The following ANK2 variants were observed in gnomAD, a reference collection of about 807,000 sequenced individuals.
ANK2 encodes ankyrin-2.
ANK2 carries 83 observed loss-of-function variants against 360.5 expected under a neutral mutation model. The ratio of observed to expected loss-of-function variants is 0.23; its 90% CI spans 0.19 to 0.28. The LOEUF is 0.28. ANK2 is among the 10% of genes least tolerant of loss of function. The pLI, the probability that ANK2 is intolerant of heterozygous loss-of-function variation, is 1.00. For missense variants in ANK2, 4,201 were observed against 4,795.7 expected, an observed-to-expected ratio of 0.88 and a Z score of 3.66; for synonymous variants, 1,740 against 1,759.5, an observed-to-expected ratio of 0.99 and a Z score of 0.28.
chr4:113,052,961 G>A (rs984656459), intron 1 of ANK2, among the ~76,000 whole-genome samples: 4 of 152,192 alleles, frequency 2.6e-5, no homozygotes, highest in Non-Finnish European at 5.9e-5. Context: ...AGGCTAGAGC[G>A]TTACTAAAGC....
chr4:113,362,973 TTTTTC>T (rs921559407), intron 39 of ANK2, among the ~76,000 whole-genome samples: 1 of 152,204 alleles, frequency 6.6e-6, no homozygotes, highest in African/African-American at 2.4e-5. Context: ...GGAGAAACTT[TTTTTC>T]TTTTGTTATC....
intron 42 of ANK2, among the ~76,000 whole-genome samples, chr4:113,369,258 G>A (rs896543050): frequency 6.6e-6 from 1 of 152,168 alleles, no homozygotes. Context: ...TTGGGTAACT[G>A]TAATACATTT....
chr4:113,191,481 A>G (rs1304978946), intron 2 of ANK2, among the ~76,000 whole-genome samples: 1 of 152,216 alleles, frequency 6.6e-6, no homozygotes, highest in Non-Finnish European at 1.5e-5. Flanking sequence ...GTTTTATTGT[A>G]ATTCAAAATA....
At position 113,175,998 on chromosome 4, in the gene ANK2, A is replaced by G. The variant is rs759630833; in HGVS notation, c.186+1481A>G. On this transcript the variant is annotated intron_variant, in intron 2 of 45. Coordinates refer to ENST00000357077, the MANE Select transcript of ANK2 (RefSeq NM_001148.6). ...TTTGGGATTGCTTTTTATCTGGGCT[A>G]TTTCTCAGGGTGGTGCTCGCAGTGA... 2.6e-5 allele frequency among the ~76,000 whole-genome samples: 4 copies of G among 152,214 alleles called. No individual in the cohort carries two copies. The East Asian group carries it at 5.8e-4, about 22-fold the overall frequency.
chr4:112,860,236 T>G (rs2067552632), intron 1 of ANK2, among the ~76,000 whole-genome samples: 1 of 152,170 alleles, frequency 6.6e-6, no homozygotes, highest in Non-Finnish European at 1.5e-5. Flanking sequence ...TTCTTTTTTT[T>G]TCTTTTTTGA....
chr4:113,255,627 C>G, intron 10 of ANK2, 108 bp from the exon 11 acceptor site: 2 of 1,106,720 alleles, frequency 1.8e-6, no homozygotes, highest in East Asian at 2.4e-5. Context: ...TTATTTTTTC[C>G]CCTGCCACTA....
intron 43 of ANK2, chr4:113,372,550 AG>A: frequency 6.5e-7 from 1 of 1,535,634 alleles, no homozygotes; most frequent in Non-Finnish European, 8.7e-7. Context: ...CAGAGGAATT[AG>A]GGGAGCTGGA....
intron 37 of ANK2, among the ~76,000 whole-genome samples, chr4:113,352,659 T>TC (rs906004557): frequency 3.3e-5 from 5 of 152,170 alleles, no homozygotes; most frequent in African/African-American, 1.2e-4. Context: ...CTTTTTTTTT[T>TC]CAACATTGAT....
chr4:113,001,163 T>C (rs947057670), intron 2 of ANK2, among the ~76,000 whole-genome samples: 1 of 151,896 alleles, frequency 6.6e-6, no homozygotes, highest in Non-Finnish European at 1.5e-5. Context: ...AAACCCTGGC[T>C]CTACTAAAAA....
At chr4:112,767,350 C>G in the ANK2 span, among the ~76,000 whole-genome samples, 1 of 152,056 alleles carries the variant, frequency 6.6e-6, no homozygotes, top group African/African-American at 2.4e-5. Flanking sequence ...CACTTGAGGT[C>G]AGGAGTTCGA....
intron 1 of ANK2, among the ~76,000 whole-genome samples, chr4:113,111,013 A>G (rs959135971): frequency 3.3e-5 from 5 of 152,172 alleles, no homozygotes; most frequent in Admixed American, 3.3e-4. Context: ...TACTGAATTC[A>G]TGGTCTATAA....
intron 19 of ANK2, 138 bp downstream of exon 19, chr4:113,287,841 C>G: frequency 2.6e-6 from 2 of 765,502 alleles, no homozygotes; most frequent in Non-Finnish European, 4.5e-6. Context: ...ATAACCCTCT[C>G]CTATGCACAA....
intron 1 of ANK2, among the ~76,000 whole-genome samples, chr4:113,093,986 A>G (rs1424205489): frequency 6.6e-6 from 1 of 152,202 alleles, no homozygotes; most frequent in East Asian, 1.9e-4. Context: ...TAACTTGGCC[A>G]GTGTTTATAT....
chr4:113,016,875 A>G (rs965527620), intron 2 of ANK2, among the ~76,000 whole-genome samples: 3 of 152,130 alleles, frequency 2.0e-5, no homozygotes, highest in Admixed American at 6.5e-5. Context: ...GCTGAGGAGC[A>G]TGGGTTATCC....
the ANK2 span, among the ~76,000 whole-genome samples, chr4:112,801,646 C>T: frequency 1.3e-5 from 2 of 152,060 alleles, no homozygotes; most frequent in African/African-American, 4.8e-5. Flanking sequence ...AAAGAAAAGT[C>T]TTTCTTGGAA....
At chr4:113,180,060 G>A (rs1239880295) in intron 2 of ANK2, among the ~76,000 whole-genome samples, 2 of 152,202 alleles carry the variant, frequency 1.3e-5, no homozygotes, top group East Asian at 3.9e-4. Context: ...TTTATAAACA[G>A]AAGGCAAGGT....
chr4:113,322,858 ATG>A (rs1284437677), intron 26 of ANK2, among the ~76,000 whole-genome samples: 1 of 152,216 alleles, frequency 6.6e-6, no homozygotes, highest in African/African-American at 2.4e-5. Flanking sequence ...TTTATCTAAT[ATG>A]TACGGCAGTT....
At chr4:113,024,950 A>G (rs886757393) in intron 2 of ANK2, among the ~76,000 whole-genome samples, 7 of 152,138 alleles carry the variant, frequency 4.6e-5, no homozygotes, top group African/African-American at 1.4e-4. Context: ...GAATTTTTTA[A>G]TATAATATTT....
At chr4:112,826,493 TG>T in intron 1 of ANK2, 1 of 1,164,138 alleles carries the variant, frequency 8.6e-7, no homozygotes. Context: ...TTACATCTAC[TG>T]GGACCACATC....
Sources: allele counts gnomAD v4.1 joint callset (sites outside exome capture counted in the v4.1 genomes callset), GRCh38; gene constraint gnomAD v4.1.1; transcripts MANE v1.5; gene names NCBI Gene and HGNC (gene_info 2026-07-23, HGNC 2026-07-21).